The following PHF6 variants were observed in gnomAD, a reference collection of about 807,000 sequenced individuals.
The protein encoded by PHF6 is PHD-like zinc finger protein.
PHF6 carries 7 observed loss-of-function variants against 34.0 expected under a neutral mutation model. The observed-to-expected ratio is 0.21, with a 90% CI of 0.12 to 0.39. The LOEUF is 0.39. Among genes scored for constraint, PHF6 ranks in the 10% least tolerant of loss-of-function variants. The pLI is 1.00. For synonymous variants in PHF6, 89 were observed against 88.4 expected (o/e 1.01, Z -0.04); for missense variants, 128 against 262.8 (o/e 0.49, Z 3.55).
chrX:134,425,726 C>T lies in PHF6; in HGVS notation c.*66C>T, dbSNP rs1326064046. The T allele has an allele frequency of 1.6e-5, 3 of 187,077 alleles. No individual in the cohort carries two copies. The highest frequency in any genetic ancestry group is 4.2e-4 in the South Asian group (2 of 4,727). 15.4% of individuals were successfully genotyped at this position (187,077 alleles called of 1,213,427 possible). A position where few individuals can be genotyped will look rare whatever the true frequency, so the allele number is the denominator to read the frequency against. On this transcript the variant is annotated 3_prime_UTR_variant, in exon 11 of 11. Coordinates refer to ENST00000370803, the MANE Select transcript of PHF6 (RefSeq NM_001015877.2). ...ATCCATAACTACTATTCTTTTTTCACTGTTTTCTAAAATCAAAAAGGGTTT... is the reference window on the plus strand; with the variant it reads ...ATCCATAACTACTATTCTTTTTTCATTGTTTTCTAAAATCAAAAAGGGTTT...
Position 134,427,698 on chromosome X carries a change from A to G in PHF6, c.*2038A>G, listed in dbSNP as rs1405818259. On this transcript the variant is annotated 3_prime_UTR_variant, in exon 11 of 11. Transcript: ENST00000370803. ...TGGTTGGCTAGATAAGTGGCTGACT[A>G]CCTGTTTTTCTCACTGTGGTGTGAT... is the stretch of plus-strand genomic sequence containing the variant. The G allele has an allele frequency of 6.2e-6, 1 of 161,204 alleles. No homozygotes were observed. The highest frequency in any genetic ancestry group is 1.2e-5 in the Non-Finnish European group (1 of 83,283). 13.3% of individuals were successfully genotyped at this position (161,204 alleles called of 1,213,427 possible).
At chrX:134,399,814 G>T (rs1158782541) in intron 5 of PHF6, among the ~76,000 whole-genome samples, 1 of 110,878 alleles carries the variant, frequency 9.0e-6, no homozygotes, top group Non-Finnish European at 1.9e-5. Context: ...TTAAATTAGT[G>T]CACTCTTGGT....
At chrX:134,425,385 A>G (rs1434292653) in intron 10 of PHF6, 55 bp downstream of exon 10, 1 of 1,163,986 alleles carries the variant, frequency 8.6e-7, no homozygotes, top group African/African-American at 1.8e-5. Flanking sequence ...ACACTGATAT[A>G]TACATGTTGA....
intron 5 of PHF6, among the ~76,000 whole-genome samples, chrX:134,408,207 C>T (rs758052226): frequency 4.9e-3 from 551 of 112,470 alleles, no homozygotes; most frequent in African/African-American, 0.017. Context: ...GGATTACAGG[C>T]GTGAGCCACT....
intron 1 of PHF6, among the ~76,000 whole-genome samples, chrX:134,375,338 T>A (rs2077274032): frequency 8.9e-6 from 1 of 111,791 alleles, no homozygotes; most frequent in Non-Finnish European, 1.9e-5. Context: ...GTGTACCTTT[T>A]TTCTCTTTTA....
chrX:134,409,652 AC>A (rs1252131599), intron 5 of PHF6, among the ~76,000 whole-genome samples: 1 of 102,167 alleles, frequency 9.8e-6, no homozygotes, highest in Non-Finnish European at 2.0e-5. Flanking sequence ...GGTTTATTGT[AC>A]CTTTTTTTTT....
At position 134,427,974 on chromosome X, in the gene PHF6, CTCT is replaced by C. The variant is rs1359316211; in HGVS notation, c.*2316_*2318del. Reference sequence around the variant, plus strand: ...CCTCAGCAGTGTATTTACTGTACATCTCTTAAGTCCTTAACTGTAGTTTTAATA... The same window carrying C: ...CCTCAGCAGTGTATTTACTGTACATCTAAGTCCTTAACTGTAGTTTTAATA... On this transcript the variant is annotated 3_prime_UTR_variant, in exon 11 of 11. Transcript: ENST00000370803. 1.3e-5 allele frequency: 2 copies of C among 153,968 alleles called. No homozygotes were observed. The highest frequency in any genetic ancestry group is 2.5e-5 in the Non-Finnish European group (2 of 78,788). The allele number at this position is 153,968 out of a possible 1,213,427, so 12.7% of individuals were successfully genotyped here. A position where few individuals can be genotyped will look rare whatever the true frequency, so the allele number is the denominator to read the frequency against.
intron 5 of PHF6, among the ~76,000 whole-genome samples, chrX:134,401,093 C>G (rs1243007584): frequency 3.6e-5 from 4 of 111,422 alleles, no homozygotes; most frequent in Admixed American, 9.6e-5. Context: ...GAAATAGAAC[C>G]ATTTTATGTG....
intron 7 of PHF6, 79 bp from the exon 8 acceptor site, chrX:134,414,937 A>G (rs1244443569): frequency 1.3e-6 from 1 of 781,447 alleles, no homozygotes; most frequent in African/African-American, 2.1e-5. Flanking sequence ...GAAATTAAAT[A>G]TAACACACTT....
At chrX:134,384,886 C>T (rs1031486790) in intron 3 of PHF6, among the ~76,000 whole-genome samples, 2 of 110,973 alleles carry the variant, frequency 1.8e-5, no homozygotes, top group Non-Finnish European at 3.8e-5. Context: ...CTCCTGACCT[C>T]ATGATCCGCC....
At chrX:134,411,367 A>G (rs1392382457) in intron 5 of PHF6, among the ~76,000 whole-genome samples, 2 of 111,513 alleles carry the variant, frequency 1.8e-5, no homozygotes, top group African/African-American at 6.5e-5. Context: ...TTTTTGTGGA[A>G]TGATTTCATA....
chrX:134,393,149 C>T (rs1020569768), intron 3 of PHF6, among the ~76,000 whole-genome samples: 1 of 111,576 alleles, frequency 9.0e-6, no homozygotes, highest in Non-Finnish European at 1.9e-5. Flanking sequence ...GAGACATTTT[C>T]TCCAGTTACT....
At chrX:134,397,140 T>C (rs1330858734) in intron 5 of PHF6, among the ~76,000 whole-genome samples, 4 of 111,975 alleles carry the variant, frequency 3.6e-5, no homozygotes, top group Non-Finnish European at 7.5e-5. Flanking sequence ...TAAAATATTA[T>C]TGAATATTAA....
intron 1 of PHF6, among the ~76,000 whole-genome samples, 199 bp downstream of exon 1, chrX:134,373,666 T>G (rs888281739): frequency 5.4e-5 from 6 of 110,545 alleles, no homozygotes; most frequent in African/African-American, 1.6e-4. Flanking sequence ...GCTTTGGAGG[T>G]GCAGAAGGAG....
At chrX:134,403,270 A>C (rs2077409871) in intron 5 of PHF6, among the ~76,000 whole-genome samples, 1 of 112,108 alleles carries the variant, frequency 8.9e-6, no homozygotes, top group Non-Finnish European at 1.9e-5. Context: ...GGAACACACA[A>C]ATGATAAGAA....
In PHF6 at chrX:134,393,482, T is replaced by C; in HGVS notation, c.241-19T>C. 8.3e-7 allele frequency: 1 copy of C among 1,207,797 alleles called. No individual in the cohort carries two copies. The highest frequency in any genetic ancestry group is 1.1e-6 in the Non-Finnish European group (1 of 892,293). ...AGAAAGTCACATACTAATAATATTA[T>C]TTTGTCGTTTTGCTGTAGATGTGTT... On this transcript the variant is annotated intron_variant, in intron 3 of 10. Coordinates refer to ENST00000370803, the MANE Select transcript of PHF6 (RefSeq NM_001015877.2).
In PHF6 at chrX:134,406,113, T is replaced by TCTTTCTTTC. The variant is rs1426712317; in HGVS notation, c.419-7378_419-7377insCTTTCTTTC. On this transcript the variant is annotated intron_variant, in intron 5 of 10. Transcript: ENST00000370803. ...TTCTTTCTTTCTTTCTTTCTTTCTT[T>TCTTTCTTTC]TTTTTTTTACTCTGACAAACATTTA... Among the ~76,000 whole-genome samples the TCTTTCTTTC allele has an allele frequency of 1.1e-4, 11 of 98,779 alleles. No homozygotes were observed. The South Asian group carries it at 2.4e-3, about 21-fold the overall frequency. 85.8% of individuals were successfully genotyped at this position (98,779 alleles called of 115,157 possible). A position where few individuals can be genotyped will look rare whatever the true frequency, so the allele number is the denominator to read the frequency against.
At chrX:134,401,125 G>A (rs1314030572) in intron 5 of PHF6, among the ~76,000 whole-genome samples, 1 of 111,480 alleles carries the variant, frequency 9.0e-6, no homozygotes, top group Admixed American at 9.6e-5. Context: ...TTTGAGTGTG[G>A]TAAATTGGAG....
chrX:134,424,379 G>T (rs901947060), intron 9 of PHF6, among the ~76,000 whole-genome samples: 2 of 111,631 alleles, frequency 1.8e-5, no homozygotes, highest in African/African-American at 6.5e-5. Flanking sequence ...GTGTCACCCA[G>T]TAGCAGGACA....
Sources: gnomAD v4.1 joint callset for allele counts (sites outside exome capture counted in the v4.1 genomes callset) on GRCh38, gnomAD v4.1.1 for gene constraint, MANE v1.5 for transcripts, NCBI Gene and HGNC (gene_info 2026-07-23, HGNC 2026-07-21) for gene names.